IMPA2: variants seen among roughly 807,000 people sequenced by gnomAD.
IMPA2 encodes the protein IMP 2.
In IMPA2, 32 loss-of-function variants were observed where a neutral mutation model predicts 35.1. The ratio of observed to expected loss-of-function variants is 0.91; its 90% CI spans 0.69 to 1.23. IMPA2 has a LOEUF of 1.23. IMPA2 is among the 50% of genes most tolerant of loss of function. IMPA2 has a pLI of 0.00. For synonymous variants in IMPA2, 135 were observed against 160.6 expected, an observed-to-expected ratio of 0.84 and a Z score of 1.20; for missense variants, 334 against 387.6, an observed-to-expected ratio of 0.86 and a Z score of 1.16.
At chr18:12,009,019 G>T (rs956411840) in intron 2 of IMPA2, among the ~76,000 whole-genome samples, 1 of 152,124 alleles carries the variant, frequency 6.6e-6, no homozygotes, top group Non-Finnish European at 1.5e-5. Flanking sequence ...GGCAGGGAGC[G>T]TCCCAGCCTC....
At chr18:12,021,130 ACCTGTAATCCCAG>A (rs1907717522) in intron 5 of IMPA2, among the ~76,000 whole-genome samples, 1 of 152,114 alleles carries the variant, frequency 6.6e-6, no homozygotes, top group Admixed American at 6.6e-5. Flanking sequence ...GATGGCTCAC[ACCTGTAATCCCAG>A]CACTTTGGGA....
chr18:12,030,029 C>T (rs1194786839), intron 7 of IMPA2, among the ~76,000 whole-genome samples: 2 of 152,196 alleles, frequency 1.3e-5, no homozygotes, highest in East Asian at 1.9e-4. Flanking sequence ...CTCCCCTGTT[C>T]GGGTCTAGCC....
intron 5 of IMPA2, among the ~76,000 whole-genome samples, chr18:12,019,233 T>C (rs1204459721): frequency 1.3e-5 from 2 of 152,032 alleles, no homozygotes; most frequent in Admixed American, 1.3e-4. Flanking sequence ...TTGTTTGATA[T>C]CAAACCAAAA....
At chr18:11,986,222 T>A (rs983379646) in intron 1 of IMPA2, among the ~76,000 whole-genome samples, 2 of 152,222 alleles carry the variant, frequency 1.3e-5, no homozygotes, top group African/African-American at 2.4e-5. Flanking sequence ...GAAGTGAGCC[T>A]GTCGTCCCCT....
chr18:12,025,798 T>C (rs887943109), intron 5 of IMPA2, among the ~76,000 whole-genome samples: 3 of 152,108 alleles, frequency 2.0e-5, no homozygotes, highest in Non-Finnish European at 4.4e-5. Context: ...CAGGCTGGTC[T>C]CAAACTCCTG....
intron 5 of IMPA2, among the ~76,000 whole-genome samples, chr18:12,025,741 G>T (rs562278097): frequency 6.6e-6 from 1 of 151,998 alleles, no homozygotes. Flanking sequence ...TGCCATACCC[G>T]GCTAATTTTT....
At chr18:12,013,196 C>T (rs774497222) in intron 4 of IMPA2, among the ~76,000 whole-genome samples, 4 of 152,138 alleles carry the variant, frequency 2.6e-5, no homozygotes, top group Non-Finnish European at 4.4e-5. Context: ...ACACTGAATA[C>T]GGGAGCTCCT....
chr18:11,986,137 G>A (rs756378705), intron 1 of IMPA2, among the ~76,000 whole-genome samples: 1 of 152,146 alleles, frequency 6.6e-6, no homozygotes, highest in Non-Finnish European at 1.5e-5. Context: ...ACTGACCTCA[G>A]GACCGCAGAC....
chr18:12,007,618 CTTT>C (rs1452113122), intron 2 of IMPA2, among the ~76,000 whole-genome samples: 1 of 127,078 alleles, frequency 7.9e-6, no homozygotes, highest in Non-Finnish European at 1.6e-5. Flanking sequence ...TTCTTTCTTT[CTTT>C]TTCTTTCTTC....
rs558990179 is a variant in IMPA2, at chr18:11,999,351, A to G, written c.230+164A>G. Reference sequence around the variant, plus strand: ...CGATTTGTCAGTTACTTAGTAAGCAAACTCAGCCCTGTTTTCATTCTTTTT... The same window carrying G: ...CGATTTGTCAGTTACTTAGTAAGCAGACTCAGCCCTGTTTTCATTCTTTTT... On this transcript the variant is annotated intron_variant, in intron 2 of 7. Transcript: ENST00000269159. Among the ~76,000 whole-genome samples, 9 of 152,312 alleles carry G rather than the reference A, an allele frequency of 5.9e-5. 1 individual carries two copies. The South Asian group carries it at 1.9e-3, about 32-fold the overall frequency.
At chr18:12,016,355 C>G (rs1907577592) in intron 5 of IMPA2, among the ~76,000 whole-genome samples, 1 of 151,698 alleles carries the variant, frequency 6.6e-6, no homozygotes, top group Non-Finnish European at 1.5e-5. Context: ...CAGGAGGTGA[C>G]AGTGCATGCT....
chr18:11,987,310 T>C (rs999556685), intron 1 of IMPA2, among the ~76,000 whole-genome samples: 1 of 152,196 alleles, frequency 6.6e-6, no homozygotes, highest in African/African-American at 2.4e-5. Context: ...ACATCACTAT[T>C]CATTCAACTG....
chr18:12,016,099 A>AG (rs1367543979), intron 5 of IMPA2, among the ~76,000 whole-genome samples: 10 of 152,232 alleles, frequency 6.6e-5, no homozygotes, highest in African/African-American at 2.4e-4. Context: ...TTGTGACTTT[A>AG]GAAAAATTCT....
chr18:12,010,215 C>T lies in IMPA2; in HGVS notation c.335+228C>T, dbSNP rs898840324. 1.7e-5 allele frequency: 8 copies of T among 463,684 alleles called. No homozygotes were observed. The highest frequency in any genetic ancestry group is 9.9e-5 in the South Asian group (3 of 30,328). The allele number at this position is 463,684 out of a possible 1,614,324, so 28.7% of individuals were successfully genotyped here. A position where few individuals can be genotyped will look rare whatever the true frequency, so the allele number is the denominator to read the frequency against. ...AGGAAATCTGCACTTGTTTAAAAAC[C>T]AGTTTGTTATGTTAAAAATGTTGGG... On this transcript the variant is annotated intron_variant, in intron 3 of 7. Transcript: ENST00000269159. This position sits in a 1 kb window ranked among gnomAD's most constrained non-coding sequence, Gnocchi z 4.8.
chr18:11,981,564 G>T lies in IMPA2; in HGVS notation c.-106G>T, dbSNP rs984754679. The T allele has an allele frequency of 1.4e-6, 1 of 707,444 alleles. No homozygotes were observed. Among genetic ancestry groups the T allele is most frequent in the Admixed American group, 4.4e-5 (1 of 22,768 alleles). 43.8% of individuals were successfully genotyped at this position (707,444 alleles called of 1,614,324 possible). ...CGGCGGACTAGGCACAGAGCTGCGG[G>T]AGCAGGCACAGGGAGTGTGGAGCCT... On this transcript the variant is annotated 5_prime_UTR_variant, in exon 1 of 8. Coordinates refer to ENST00000269159, the MANE Select transcript of IMPA2 (RefSeq NM_014214.3).
At chr18:12,028,477 A>G (rs1907945203) in intron 6 of IMPA2, 2 of 436,586 alleles carry the variant, frequency 4.6e-6, no homozygotes, top group Admixed American at 3.7e-5. Flanking sequence ...ATCAAAGCCC[A>G]GTGAATCCTC....
intron 6 of IMPA2, 99 bp downstream of exon 6, chr18:12,028,250 G>T (rs2075826): frequency 1.3e-6 from 1 of 768,426 alleles, no homozygotes; most frequent in South Asian, 1.6e-5. Context: ...GAAGCCTGAC[G>T]TGGAAAGAGT....
At chr18:12,011,017 T>TA (rs1291277199) in intron 3 of IMPA2, among the ~76,000 whole-genome samples, 1 of 152,112 alleles carries the variant, frequency 6.6e-6, no homozygotes, top group African/African-American at 2.4e-5. Context: ...CTCCCCAGAG[T>TA]ATGTCACTGA....
At chr18:12,007,373 T>G (rs982005138) in intron 2 of IMPA2, among the ~76,000 whole-genome samples, 15 of 152,220 alleles carry the variant, frequency 9.9e-5, no homozygotes, top group African/African-American at 3.4e-4. Flanking sequence ...CTGGCTACTG[T>G]AAGGCGCTGA....
Sources: allele counts gnomAD v4.1 joint callset (sites outside exome capture counted in the v4.1 genomes callset), GRCh38; gene constraint gnomAD v4.1.1; non-coding constraint Gnocchi (gnomAD v3.1); transcripts MANE v1.5; gene names NCBI Gene and HGNC (gene_info 2026-07-23, HGNC 2026-07-21).